Variants in SIPA1L2 observed in about 807,000 individuals in gnomAD.
The protein encoded by SIPA1L2 is signal induced proliferation associated 1 like 2, also known as signal-induced proliferation-associated 1-like protein 2.
In SIPA1L2, 56 loss-of-function variants were observed where a neutral mutation model predicts 163.9. That is an observed-to-expected ratio of 0.34 (90% CI 0.28 to 0.43). The LOEUF (loss-of-function observed/expected upper bound fraction) is 0.43. Ranked by LOEUF, SIPA1L2 falls within the 20% of genes least tolerant of loss-of-function variation. The pLI is 1.00. For synonymous variants in SIPA1L2, 877 were observed against 865.7 expected (o/e 1.01, Z -0.23); for missense variants, 1,974 against 2,193.5 (o/e 0.90, Z 2.00).
chr1:232,576,275 T>C (rs777691851), intron 1 of SIPA1L2, among the ~76,000 whole-genome samples: 1 of 152,246 alleles, frequency 6.6e-6, no homozygotes, highest in Non-Finnish European at 1.5e-5. Context: ...ATTTTTTAAG[T>C]GCTCATTTGG....
At chr1:232,534,593 A>C (rs562565840) in intron 2 of SIPA1L2, among the ~76,000 whole-genome samples, 1 of 152,238 alleles carries the variant, frequency 6.6e-6, no homozygotes, top group African/African-American at 2.4e-5. Context: ...TCAACCAAAC[A>C]AAGTGAAAAG....
chr1:232,425,443 AATT>A (rs1661832032), intron 18 of SIPA1L2, 143 bp downstream of exon 18: 4 of 599,098 alleles, frequency 6.7e-6, no homozygotes, highest in Non-Finnish European at 1.0e-5. Flanking sequence ...TATATTTGAA[AATT>A]ATTTAAAACA....
intron 18 of SIPA1L2, among the ~76,000 whole-genome samples, chr1:232,417,991 T>C (rs1203484822): frequency 6.6e-6 from 1 of 152,202 alleles, no homozygotes; most frequent in South Asian, 2.1e-4. Context: ...TCTATTCAGA[T>C]ACACGGCCAT....
chr1:232,630,370 AGGGGGCTGC>A (rs1315145245), upstream of SIPA1L2, among the ~76,000 whole-genome samples: 1 of 151,530 alleles, frequency 6.6e-6, no homozygotes, highest in Non-Finnish European at 1.5e-5. Context: ...CTTCTTGGGG[AGGGGGCTGC>A]GGGGCGCATC....
At chr1:232,539,728 C>T (rs1657528512) in intron 2 of SIPA1L2, among the ~76,000 whole-genome samples, 1 of 152,174 alleles carries the variant, frequency 6.6e-6, no homozygotes. Flanking sequence ...GAGTTGGGAT[C>T]CCAGCTGCAC....
At position 232,465,519 on chromosome 1, in the gene SIPA1L2, C is replaced by CAT; in HGVS notation, c.2244-104_2244-103insAT. 1.5e-6 allele frequency: 1 copy of CAT among 650,594 alleles called. No individual in the cohort carries two copies. Among genetic ancestry groups the CAT allele is most frequent in the Non-Finnish European group, 2.4e-6 (1 of 413,316 alleles). 40.3% of individuals were successfully genotyped at this position (650,594 alleles called of 1,614,324 possible). On this transcript the variant is annotated intron_variant, in intron 8 of 22. Coordinates refer to ENST00000674635, the MANE Select transcript of SIPA1L2 (RefSeq NM_020808.5). This position sits in a 1 kb window ranked among gnomAD's most constrained non-coding sequence, Gnocchi z 4.1. ...ATACACACACACACACATATACATA[C>CAT]ACACACACACACACATATACATACA...
chr1:232,448,571 C>T (rs891324631), intron 10 of SIPA1L2, among the ~76,000 whole-genome samples: 3 of 152,090 alleles, frequency 2.0e-5, no homozygotes, highest in African/African-American at 4.8e-5. Context: ...TTTGGAGATC[C>T]CTGAAACTCT....
rs142460787 is a variant in SIPA1L2, at chr1:232,613,502, T to G, written c.-319+16367A>C. On this transcript the variant is annotated intron_variant, in intron 1 of 22. Coordinates refer to ENST00000674635, the MANE Select transcript of SIPA1L2 (RefSeq NM_020808.5). Reference sequence around the variant, plus strand: ...GAACCTTCTCCAGGTGTTAACAGCATTCTATACATTCTCTGAAGGTATCCA... The same window carrying G: ...GAACCTTCTCCAGGTGTTAACAGCAGTCTATACATTCTCTGAAGGTATCCA... 8.3e-4 allele frequency among the ~76,000 whole-genome samples: 126 copies of G among 152,314 alleles called. 1 individual carries two copies. Among genetic ancestry groups the G allele is most frequent in the South Asian group, 3.1e-3 (15 of 4,826 alleles).
At position 232,567,816 on chromosome 1, in the gene SIPA1L2, C is replaced by T. The variant is rs188169342; in HGVS notation, c.-270+6358G>A. ...GTCAACTGAAAGACCAAGGCCTAAT[C>T]GGAGGGTTGGGACTTTCTGCCCCAT... On this transcript the variant is annotated intron_variant, in intron 2 of 22. Coordinates refer to ENST00000674635, the MANE Select transcript of SIPA1L2 (RefSeq NM_020808.5). 4.5e-3 allele frequency among the ~76,000 whole-genome samples: 692 copies of T among 152,300 alleles called. 1 individual carries two copies. The highest frequency in any genetic ancestry group is 6.6e-3 in the Non-Finnish European group (450 of 68,006).
intron 3 of SIPA1L2, 117 bp from the exon 4 acceptor site, chr1:232,493,777 G>T: frequency 7.8e-7 from 1 of 1,289,674 alleles, no homozygotes; most frequent in South Asian, 1.5e-5. Context: ...CTCATACACA[G>T]TGATTTCCTT....
chr1:232,569,361 T>G (rs1394292243), intron 2 of SIPA1L2, among the ~76,000 whole-genome samples: 2 of 152,206 alleles, frequency 1.3e-5, no homozygotes, highest in African/African-American at 4.8e-5. Flanking sequence ...CCAGGACCCC[T>G]GACTTGTTCT....
intron 2 of SIPA1L2, among the ~76,000 whole-genome samples, chr1:232,570,332 A>G (rs922729007): frequency 1.3e-5 from 2 of 152,370 alleles, no homozygotes; most frequent in Middle Eastern, 3.4e-3. Flanking sequence ...GAGGGCATCA[A>G]ATGGTAAAAT....
At chr1:232,581,625 C>G (rs1660380932) in intron 1 of SIPA1L2, among the ~76,000 whole-genome samples, 1 of 152,200 alleles carries the variant, frequency 6.6e-6, no homozygotes, top group African/African-American at 2.4e-5. Context: ...ACAGACACAT[C>G]TGTTCAAAAC....
chr1:232,573,672 G>C (rs1451022382), intron 2 of SIPA1L2, among the ~76,000 whole-genome samples: 1 of 152,218 alleles, frequency 6.6e-6, no homozygotes, highest in East Asian at 1.9e-4. Context: ...AAGGGGTTTA[G>C]ATGACCGTGC....
chr1:232,561,131 T>C (rs1659011744), intron 2 of SIPA1L2, among the ~76,000 whole-genome samples: 1 of 152,216 alleles, frequency 6.6e-6, no homozygotes, highest in Admixed American at 6.5e-5. Context: ...CCACGTCAAC[T>C]GATAAAGATA....
intron 2 of SIPA1L2, among the ~76,000 whole-genome samples, chr1:232,519,639 C>A (rs1225631956): frequency 6.6e-6 from 1 of 152,182 alleles, no homozygotes; most frequent in Non-Finnish European, 1.5e-5. Flanking sequence ...TTGTAAAAAA[C>A]CAGTTATGAG....
intron 8 of SIPA1L2, among the ~76,000 whole-genome samples, chr1:232,467,905 T>G (rs1027335613): frequency 4.6e-5 from 7 of 152,226 alleles, no homozygotes; most frequent in African/African-American, 1.4e-4. Context: ...GTGACTCCAT[T>G]ATATAGTAGG....
rs372590469 is a variant in SIPA1L2 at position 232,423,127 on chromosome 1, T to C, written c.4630+2462A>G. Among the ~76,000 whole-genome samples, 36 of 152,322 alleles carry C rather than the reference T, an allele frequency of 2.4e-4. No individual in the cohort carries two copies. In the South Asian group the frequency reaches 5.6e-3, roughly 24 times the overall value. ...CGAGATTCCATGGGTAAATAACTGA[T>C]ATTGTATAGTGTATTGTGTTGCAAG... On this transcript the variant is annotated intron_variant, in intron 18 of 22. Transcript: ENST00000674635.
At chr1:232,490,849 A>T (rs751946770) in intron 5 of SIPA1L2, 25 bp downstream of exon 5, 2 of 1,569,844 alleles carry the variant, frequency 1.3e-6, no homozygotes, top group South Asian at 2.4e-5. Context: ...TCACACACAA[A>T]CATACAATCT....
Sources: allele counts gnomAD v4.1 joint callset (sites outside exome capture counted in the v4.1 genomes callset), GRCh38; gene constraint gnomAD v4.1.1; non-coding constraint Gnocchi (gnomAD v3.1); transcripts MANE v1.5; gene names NCBI Gene and HGNC (gene_info 2026-07-23, HGNC 2026-07-21).